Variants in PSMC4 observed in about 807,000 individuals in gnomAD.
PSMC4 encodes 26S proteasome regulatory subunit 6B.
Under a neutral mutation model 48.4 loss-of-function variants are expected in PSMC4, and 13 were observed. That is an observed-to-expected ratio of 0.27 (90% confidence interval 0.18 to 0.43). The LOEUF is 0.43. PSMC4 is among the 20% of genes least tolerant of loss of function. The probability of loss-of-function intolerance (pLI) is 1.00; values close to 1 mark genes in which losing one functional copy is unlikely to be tolerated. For synonymous variants in PSMC4, 202 were observed against 212.3 expected (o/e 0.95, Z 0.42); for missense variants, 262 against 555.9 (o/e 0.47, Z 5.32).
At chr19:39,978,766 C>T (rs961147034) in intron 6 of PSMC4, among the ~76,000 whole-genome samples, 2 of 152,096 alleles carry the variant, frequency 1.3e-5, no homozygotes, top group Admixed American at 6.6e-5. Context: ...TCTATAATCC[C>T]AGCACTTTGG....
Position 39,980,551 on chromosome 19 carries a change from G to GT in PSMC4, c.1087+98dup, listed in dbSNP as rs1436610872. 6.3e-7 allele frequency: 1 copy of GT among 1,586,202 alleles called. No homozygotes were observed. Among genetic ancestry groups the GT allele is most frequent in the African/African-American group, 1.3e-5 (1 of 74,368 alleles). Reference sequence around the variant, plus strand: ...CAGCACCACAGCCCAGACTGTGCAGGTGGGACCAAGGTCCAGGGAGGAGGG... The same window carrying GT: ...CAGCACCACAGCCCAGACTGTGCAGGTTGGGACCAAGGTCCAGGGAGGAGGG... On this transcript the variant is annotated intron_variant, in intron 9 of 10. Coordinates refer to ENST00000157812, the MANE Select transcript of PSMC4 (RefSeq NM_006503.4). The surrounding 1 kb of genome is among the most constrained non-coding windows in gnomAD (Gnocchi z 4.8).
At chr19:39,975,963 CAT>C (rs1971190889) in intron 6 of PSMC4, among the ~76,000 whole-genome samples, 1 of 152,066 alleles carries the variant, frequency 6.6e-6, no homozygotes, top group African/African-American at 2.4e-5. Context: ...ATGCTAGAGA[CAT>C]GGGCCAGGCG....
rs1971263134 is a variant in PSMC4 at position 39,979,993 on chromosome 19, T to C, written c.841+9T>C. On this transcript the variant is annotated intron_variant, in intron 7 of 10. Coordinates refer to ENST00000157812, the MANE Select transcript of PSMC4 (RefSeq NM_006503.4). ...CGATGCTCAGACAGGGGGTAAGTGA[T>C]GCTGAAACAAGGCCCGGGGTCTTGG... The C allele has an allele frequency of 1.9e-6, 3 of 1,613,670 alleles. No individual in the cohort carries two copies. The highest frequency in any genetic ancestry group is 2.5e-6 in the Non-Finnish European group (3 of 1,179,850).
In PSMC4 at chr19:39,972,555, G is replaced by C. The variant is rs1568373999; in HGVS notation, c.322G>C (p.Gly108Arg). 1.2e-6 allele frequency: 2 copies of C among 1,609,340 alleles called. No individual in the cohort carries two copies. Among genetic ancestry groups the C allele is most frequent in the Non-Finnish European group, 1.7e-6 (2 of 1,176,820 alleles). ...TACAGCCATCGTGGGCTCTACCACA[G>C]GTGTGCTAAGGACACCTCATTCATT... is the stretch of plus-strand genomic sequence containing the variant. Reference protein sequence around the residue: ...QNTAIVGSTTGSNYYVRILST... With the variant: ...QNTAIVGSTTRSNYYVRILST... Residue 108 changes from glycine (G) to arginine (R), a missense_variant and splice_region_variant, in exon 3 of 11, where the codon GGC (glycine) becomes CGC (arginine). This residue lies in a region of PSMC4 where 131 missense variants were observed against 276.7 expected (regional missense o/e 0.47). Transcript: ENST00000157812.
intron 1 of PSMC4, among the ~76,000 whole-genome samples, chr19:39,971,808 C>T (rs1971106354): frequency 6.6e-6 from 1 of 151,998 alleles, no homozygotes; most frequent in Non-Finnish European, 1.5e-5. Context: ...AGCCATGTGA[C>T]ATTAGGAACC....
intron 1 of PSMC4, among the ~76,000 whole-genome samples, chr19:39,971,610 T>C (rs961311063): frequency 2.0e-5 from 3 of 152,144 alleles, no homozygotes; most frequent in Non-Finnish European, 2.9e-5. Flanking sequence ...GCTGCGGGGC[T>C]GACTGATGTT....
chr19:39,975,940 G>C (rs755061475), intron 6 of PSMC4, among the ~76,000 whole-genome samples: 58 of 152,108 alleles, frequency 3.8e-4, no homozygotes, highest in Non-Finnish European at 6.6e-4. Context: ...CTATGTGCCA[G>C]GATGTGTTGT....
At chr19:39,978,677 C>A (rs1400663599) in intron 6 of PSMC4, among the ~76,000 whole-genome samples, 2 of 152,048 alleles carry the variant, frequency 1.3e-5, no homozygotes, top group Admixed American at 6.5e-5. Context: ...ATGCTTCATA[C>A]AACACAAAGC....
At chr19:39,977,833 A>G (rs1971228697) in intron 6 of PSMC4, among the ~76,000 whole-genome samples, 1 of 151,598 alleles carries the variant, frequency 6.6e-6, no homozygotes, top group South Asian at 2.1e-4. Context: ...AAAAAAAAAA[A>G]GAGAGATAGG....
chr19:39,974,305 T>G lies in PSMC4; in HGVS notation c.334T>G (p.Tyr112Asp). 1 of 1,614,186 alleles carries G rather than the reference T, an allele frequency of 6.2e-7. No individual in the cohort carries two copies. The highest frequency in any genetic ancestry group is 8.5e-7 in the Non-Finnish European group (1 of 1,180,026). ...CTCCCTTCTCGCAGGCTCCAACTATTATGTGCGCATCCTGAGCACCATCGA... is the reference window on the plus strand; with the variant it reads ...CTCCCTTCTCGCAGGCTCCAACTATGATGTGCGCATCCTGAGCACCATCGA... ...IVGSTTGSNY[Y>D]VRILSTIDRE... The change falls in exon 4 of 11, where the codon TAT becomes GAT. Residue 112 changes from tyrosine to aspartate, a missense_variant. Physicochemically the swap from Tyr to Asp is radical, Grantham distance 160. Around this residue, in one of 4 missense-constraint regions of PSMC4, gnomAD observed 131 missense variants for 276.7 expected, o/e 0.47. Coordinates refer to ENST00000157812, the MANE Select transcript of PSMC4 (RefSeq NM_006503.4). This position sits in a 1 kb window ranked among gnomAD's most constrained non-coding sequence, Gnocchi z 5.5.
intron 10 of PSMC4, 49 bp from the exon 11 acceptor site, chr19:39,981,143 C>A: frequency 7.0e-7 from 1 of 1,419,936 alleles, no homozygotes; most frequent in South Asian, 1.2e-5. Flanking sequence ...AGGTGTGAGC[C>A]ACTGTGCCCT....
In PSMC4 at chr19:39,974,332, C is replaced by T. The variant is rs1365063456; in HGVS notation, c.361C>T (p.Arg121Trp). Residue 121 changes from arginine to tryptophan, a missense_variant, in exon 4 of 11, where the codon CGG becomes TGG. Arg to Trp is a moderately radical substitution (Grantham distance 101). Around this residue, in one of 4 missense-constraint regions of PSMC4, gnomAD observed 131 missense variants for 276.7 expected, o/e 0.47. Transcript: ENST00000157812. This position sits in a 1 kb window ranked among gnomAD's most constrained non-coding sequence, Gnocchi z 5.5. Reference protein sequence around the residue: ...YYVRILSTIDRELLKPNASVA... With the variant: ...YYVRILSTIDWELLKPNASVA... ...TGTGCGCATCCTGAGCACCATCGAT[C>T]GGGAGCTGCTCAAGCCCAACGCCTC... The T allele has an allele frequency of 3.7e-6, 6 of 1,614,004 alleles. No homozygotes were observed. Among genetic ancestry groups the T allele is most frequent in the African/African-American group, 1.3e-5 (1 of 74,886 alleles).
chr19:39,976,465 G>T (rs1369838015), intron 6 of PSMC4, among the ~76,000 whole-genome samples: 1 of 149,378 alleles, frequency 6.7e-6, no homozygotes, highest in African/African-American at 2.4e-5. Flanking sequence ...CCTTATGGAG[G>T]TGATGTCTTA....
At chr19:39,976,843 G>A (rs1350869713) in intron 6 of PSMC4, among the ~76,000 whole-genome samples, 1 of 136,512 alleles carries the variant, frequency 7.3e-6, no homozygotes, top group African/African-American at 2.9e-5. Flanking sequence ...TTTTTTGTGT[G>A]TGATTTTTTT....
In PSMC4 at chr19:39,980,945, C is replaced by G. The variant is rs1971278374; in HGVS notation, c.1143+228C>G. On this transcript the variant is annotated intron_variant, in intron 10 of 10. Coordinates refer to ENST00000157812, the MANE Select transcript of PSMC4 (RefSeq NM_006503.4). This position sits in a 1 kb window ranked among gnomAD's most constrained non-coding sequence, Gnocchi z 4.8. ...CCAGGCTGGAGTGCAGTGGGGCAAT[C>G]ATGACTCACTGCAGTGATCCTCCCA... 1.3e-5 allele frequency among the ~76,000 whole-genome samples: 2 copies of G among 152,080 alleles called. No homozygotes were observed. Among genetic ancestry groups the G allele is most frequent in the Non-Finnish European group, 2.9e-5 (2 of 68,010 alleles).
chr19:39,972,331 T>G (rs761614217), intron 2 of PSMC4, 38 bp from the exon 3 acceptor site: 1 of 1,611,994 alleles, frequency 6.2e-7, no homozygotes, highest in East Asian at 2.2e-5. Context: ...GATCAGCAAG[T>G]CTGGAGCCAT....
chr19:39,975,928 C>T (rs1156685191), intron 6 of PSMC4, among the ~76,000 whole-genome samples: 1 of 152,096 alleles, frequency 6.6e-6, no homozygotes, highest in Non-Finnish European at 1.5e-5. Flanking sequence ...ATTGAACACC[C>T]ACTATGTGCC....
chr19:39,974,870 C>A lies in PSMC4; in HGVS notation c.673+42C>A, dbSNP rs1971173089. ...CTGCCCCGAGCTCTCATCTTCTGGC[C>A]TCTTCGCCTTGCTCCCTGCTCGCTC... is the stretch of plus-strand genomic sequence containing the variant. On this transcript the variant is annotated intron_variant, in intron 6 of 10. Transcript: ENST00000157812. The surrounding 1 kb of genome is among the most constrained non-coding windows in gnomAD (Gnocchi z 5.5). 6.4e-7 allele frequency: 1 copy of A among 1,556,440 alleles called. No homozygotes were observed.
In PSMC4 at chr19:39,979,796, CTG is replaced by C; in HGVS notation, c.674-19_674-18del. On this transcript the variant is annotated intron_variant, in intron 6 of 10. Coordinates refer to ENST00000157812, the MANE Select transcript of PSMC4 (RefSeq NM_006503.4). ...CCTCAGGAGGCTCATTCCCGCCTAACTGTTGTCATCCTGTCATCAGCTGCATT... is the reference window on the plus strand; with the variant it reads ...CCTCAGGAGGCTCATTCCCGCCTAACTTGTCATCCTGTCATCAGCTGCATT... 6.3e-7 allele frequency: 1 copy of C among 1,599,962 alleles called. No individual in the cohort carries two copies. Among genetic ancestry groups the C allele is most frequent in the Non-Finnish European group, 8.5e-7 (1 of 1,172,074 alleles).
Sources: allele counts gnomAD v4.1 joint callset (sites outside exome capture counted in the v4.1 genomes callset), GRCh38; gene constraint gnomAD v4.1.1; regional missense constraint gnomAD v4.1.1; non-coding constraint Gnocchi (gnomAD v3.1); transcripts MANE v1.5; gene names NCBI Gene and HGNC (gene_info 2026-07-23, HGNC 2026-07-21).